FABP12: variants seen among roughly 807,000 people sequenced by gnomAD.
FABP12 encodes fatty acid binding protein 12, also known as fatty acid-binding protein 12.
In FABP12, 19 loss-of-function variants were observed where a neutral mutation model predicts 13.7. That is an observed-to-expected ratio of 1.39 (90% CI 0.97 to 2.04). The LOEUF is 2.04. Among genes scored for constraint, FABP12 ranks in the 30% most tolerant of loss-of-function variants. The pLI is 0.00. For synonymous variants in FABP12, 61 were observed against 57.0 expected, an observed-to-expected ratio of 1.07 and a Z score of -0.32; for missense variants, 182 against 164.2, an observed-to-expected ratio of 1.11 and a Z score of -0.59.
At chr8:81,525,044 C>G (rs1397746937) in exon 5 of FABP12, 2 of 1,587,504 alleles carry the variant, frequency 1.3e-6, no homozygotes, top group Non-Finnish European at 1.7e-6. Flanking sequence ...CTTGAGAAAG[C>G]CTTAAGAGTT....
At chr8:81,553,594 G>A (rs190892758) in intron 1 of FABP12, among the ~76,000 whole-genome samples, 91 of 152,170 alleles carry the variant, frequency 6.0e-4, no homozygotes, top group African/African-American at 1.7e-3. Context: ...TTTTACACAG[G>A]GAATTTGTAC....
chr8:81,552,382 G>A (rs114347305), intron 1 of FABP12, among the ~76,000 whole-genome samples: 152 of 152,256 alleles, frequency 1.0e-3, no homozygotes, highest in African/African-American at 3.6e-3. Context: ...AGAAGGGTCA[G>A]GTCACAAATG....
rs1003939744 is a variant in FABP12, at chr8:81,566,774, A to G, written c.-185+23279T>C. ...GTGACAAGGATACCCACTGTCCCCA[A>G]TATTATTCAGTATAGTACTGGAAGT... On this transcript the variant is annotated intron_variant, in intron 1 of 5. Coordinates refer to the FABP12 transcript ENST00000692030. Among the ~76,000 whole-genome samples the G allele has an allele frequency of 6.6e-5, 10 of 152,128 alleles. No individual in the cohort carries two copies. The East Asian group carries it at 1.7e-3, about 26-fold the overall frequency.
At chr8:81,562,148 A>G (rs908834080) in intron 1 of FABP12, among the ~76,000 whole-genome samples, 2 of 152,174 alleles carry the variant, frequency 1.3e-5, no homozygotes, top group Admixed American at 6.5e-5. Context: ...CCCCTATCCC[A>G]GATGCCAGCT....
intron 1 of FABP12, among the ~76,000 whole-genome samples, chr8:81,546,756 C>A (rs1486979688): frequency 6.6e-6 from 1 of 152,000 alleles, no homozygotes; most frequent in African/African-American, 2.4e-5. Flanking sequence ...TCGTTTTTTT[C>A]ATCCAAGAAA....
At chr8:81,558,054 C>T (rs1383816688) in intron 1 of FABP12, among the ~76,000 whole-genome samples, 1 of 152,150 alleles carries the variant, frequency 6.6e-6, no homozygotes, top group Non-Finnish European at 1.5e-5. Context: ...AGCCAGATTG[C>T]CCAAGTTTCC....
chr8:81,562,769 A>G (rs527656726), intron 1 of FABP12, among the ~76,000 whole-genome samples: 154 of 152,252 alleles, frequency 1.0e-3, no homozygotes, highest in African/African-American at 3.7e-3. Flanking sequence ...AGAGGACCAC[A>G]TAGATTCCTA....
At chr8:81,574,118 G>T (rs1585857537) in intron 1 of FABP12, among the ~76,000 whole-genome samples, 1 of 152,166 alleles carries the variant, frequency 6.6e-6, no homozygotes, top group Middle Eastern at 3.4e-3. Context: ...TTACATTGAG[G>T]TATGTCCCTT....
intron 1 of FABP12, among the ~76,000 whole-genome samples, chr8:81,575,167 A>T (rs1180180587): frequency 6.6e-6 from 1 of 152,152 alleles, no homozygotes; most frequent in East Asian, 1.9e-4. Flanking sequence ...ATTGTCATTC[A>T]GTTCAAAGAA....
At chr8:81,528,071 T>G (rs1387924907) in intron 3 of FABP12, among the ~76,000 whole-genome samples, 1 of 151,984 alleles carries the variant, frequency 6.6e-6, no homozygotes, top group African/African-American at 2.4e-5. Flanking sequence ...TATTTTCCAG[T>G]TTTTTTTGTT....
At chr8:81,527,949 T>C (rs1025773643) in intron 3 of FABP12, among the ~76,000 whole-genome samples, 30 of 152,172 alleles carry the variant, frequency 2.0e-4, no homozygotes, top group South Asian at 1.2e-3. Context: ...ACAGAGACCC[T>C]GTCTCAATAA....
Position 81,571,508 on chromosome 8 carries a change from T to C in FABP12, c.-185+18545A>G, listed in dbSNP as rs115828355. ...CTGCCGCCGCCCACACCTCCCCCACTGTGGATGGCCTGCTGCTGCTATTAT... is the reference window on the plus strand; with the variant it reads ...CTGCCGCCGCCCACACCTCCCCCACCGTGGATGGCCTGCTGCTGCTATTAT... On this transcript the variant is annotated intron_variant, in intron 1 of 5. Coordinates refer to the FABP12 transcript ENST00000692030. Among the ~76,000 whole-genome samples, 1,023 of 152,334 alleles carry C rather than the reference T, an allele frequency of 6.7e-3. 15 individuals are homozygous for C. The highest frequency in any genetic ancestry group is 0.023 in the African/African-American group (969 of 41,574).
intron 1 of FABP12, among the ~76,000 whole-genome samples, chr8:81,560,949 A>G (rs1355159402): frequency 2.0e-5 from 3 of 152,198 alleles, no homozygotes; most frequent in Non-Finnish European, 2.9e-5. Context: ...TGGCCTGAGG[A>G]GCCACAATGC....
At chr8:81,566,486 A>G (rs1809822775) in intron 1 of FABP12, among the ~76,000 whole-genome samples, 1 of 152,174 alleles carries the variant, frequency 6.6e-6, no homozygotes, top group Admixed American at 6.5e-5. Flanking sequence ...AGTGAGATTT[A>G]TCCTAGGGAT....
At chr8:81,542,148 A>C (rs1809360505) in intron 1 of FABP12, among the ~76,000 whole-genome samples, 1 of 152,100 alleles carries the variant, frequency 6.6e-6, no homozygotes, top group African/African-American at 2.4e-5. Context: ...TCCCAGCCAG[A>C]ATGGAGAAAA....
intron 1 of FABP12, among the ~76,000 whole-genome samples, chr8:81,557,028 C>T (rs528017140): frequency 5.4e-4 from 82 of 151,704 alleles, no homozygotes; most frequent in African/African-American, 1.9e-3. Flanking sequence ...GCATGCACCA[C>T]CATTTCCAGC....
At chr8:81,529,553 C>T in exon 3 of FABP12, 1 of 1,613,902 alleles carries the variant, frequency 6.2e-7, no homozygotes, top group African/African-American at 1.3e-5. Context: ...TCCATCTGTA[C>T]TGATGGTCAC....
chr8:81,536,849 G>A (rs1228544187), upstream of FABP12, among the ~76,000 whole-genome samples: 1 of 152,170 alleles, frequency 6.6e-6, no homozygotes, highest in Non-Finnish European at 1.5e-5. Context: ...TTTACATATT[G>A]TCTATGGTTG....
chr8:81,532,555 G>T (rs1027319087), intron 1 of FABP12, among the ~76,000 whole-genome samples: 1 of 152,216 alleles, frequency 6.6e-6, no homozygotes, highest in African/African-American at 2.4e-5. Flanking sequence ...AGGTGCAGTG[G>T]TTCTTGCCTG....
Sources: allele counts gnomAD v4.1 joint callset (sites outside exome capture counted in the v4.1 genomes callset), GRCh38; gene constraint gnomAD v4.1.1; transcripts MANE v1.5; gene names NCBI Gene and HGNC (gene_info 2026-07-23, HGNC 2026-07-21).